MPP4: variants seen among roughly 807,000 people sequenced by gnomAD.
MPP4 encodes the protein MAGUK p55 subfamily member 4.
MPP4 carries 91 observed loss-of-function variants against 98.3 expected under a neutral mutation model. The ratio of observed to expected loss-of-function variants is 0.93; its 90% CI spans 0.78 to 1.10. The LOEUF is 1.10. Among genes scored for constraint, MPP4 ranks in the 50% least tolerant of loss-of-function variants. The probability of loss-of-function intolerance (pLI) is 0.00; values close to 1 mark genes in which losing one functional copy is unlikely to be tolerated. For synonymous variants in MPP4, 261 were observed against 271.8 expected (o/e 0.96, Z 0.39); for missense variants, 744 against 792.9 (o/e 0.94, Z 0.74).
At chr2:201,671,194 C>T (rs772464348) in intron 11 of MPP4, among the ~76,000 whole-genome samples, 4 of 151,970 alleles carry the variant, frequency 2.6e-5, no homozygotes, top group Non-Finnish European at 5.9e-5. Flanking sequence ...ACCCCAGTGG[C>T]GCCTGGAATA....
In MPP4 at chr2:201,651,763, A is replaced by G. The variant is rs1293636477; in HGVS notation, c.1382-1598T>C. ...GGGGTCAGGAGTACAAGACCAGCCT[A>G]GCCAACATGGTGAAACCCCATCTCT... On this transcript the variant is annotated intron_variant, in intron 18 of 21. Coordinates refer to ENST00000409474, the MANE Select transcript of MPP4 (RefSeq NM_033066.3). 45 of 520,076 alleles carry G rather than the reference A, an allele frequency of 8.7e-5. No individual in the cohort carries two copies. In the Middle Eastern group the frequency reaches 3.9e-3, roughly 45 times the overall value. 32.2% of individuals were successfully genotyped at this position (520,076 alleles called of 1,614,324 possible).
rs999160358 is a variant in MPP4 at position 201,651,130 on chromosome 2, G to T, written c.1382-965C>A. The T allele has an allele frequency of 3.0e-6, 3 of 985,192 alleles. No homozygotes were observed. The African/African-American group carries it at 5.2e-5, about 17-fold the overall frequency. 61.0% of individuals were successfully genotyped at this position (985,192 alleles called of 1,614,324 possible). A position where few individuals can be genotyped will look rare whatever the true frequency, so the allele number is the denominator to read the frequency against. The stretch of plus-strand genomic sequence containing the variant: ...AGTTCCCCTTATTCATACAGAATTT[G>T]TGTATTTGCATCTGACAAAGTTTAA... On this transcript the variant is annotated intron_variant, in intron 18 of 21. Coordinates refer to ENST00000409474, the MANE Select transcript of MPP4 (RefSeq NM_033066.3).
chr2:201,645,710 G>C (rs959278325), intron 21 of MPP4, among the ~76,000 whole-genome samples: 2 of 151,860 alleles, frequency 1.3e-5, no homozygotes, highest in East Asian at 3.9e-4. Flanking sequence ...GCATGCAGTA[G>C]GATCATCTCA....
intron 14 of MPP4, among the ~76,000 whole-genome samples, chr2:201,663,527 G>A (rs1265322587): frequency 6.6e-6 from 1 of 152,178 alleles, no homozygotes. Flanking sequence ...ACAAGCCTGA[G>A]CAACACAGTG....
rs1031028852 is a variant in MPP4 at position 201,680,733 on chromosome 2, T to A, written c.929+105A>T. 11 of 1,005,824 alleles carry A rather than the reference T, an allele frequency of 1.1e-5. No individual in the cohort carries two copies. The African/African-American group carries it at 1.8e-4, about 16-fold the overall frequency. The allele number at this position is 1,005,824 out of a possible 1,614,324, so 62.3% of individuals were successfully genotyped here. The stretch of plus-strand genomic sequence containing the variant: ...AAACCAGTGTGTGTGTGTTCATTCA[T>A]CTGCTTGTCCCTCTTTATCTCATCT... On this transcript the variant is annotated intron_variant, in intron 10 of 21. Coordinates refer to ENST00000409474, the MANE Select transcript of MPP4 (RefSeq NM_033066.3).
At chr2:201,653,760 GAAACA>G (rs1395050681) in intron 18 of MPP4, among the ~76,000 whole-genome samples, 1 of 151,950 alleles carries the variant, frequency 6.6e-6, no homozygotes, top group Non-Finnish European at 1.5e-5. Context: ...ATCTCAGTAT[GAAACA>G]AATAATTCCT....
At chr2:201,647,543 T>G in intron 21 of MPP4, 148 bp downstream of exon 21, 1 of 689,860 alleles carries the variant, frequency 1.4e-6, no homozygotes, top group Non-Finnish European at 2.3e-6. Flanking sequence ...AAAACCATAG[T>G]AAACCATTTT....
intron 1 of MPP4, among the ~76,000 whole-genome samples, chr2:201,695,860 C>A (rs1021837526): frequency 6.6e-6 from 1 of 152,026 alleles, no homozygotes; most frequent in Non-Finnish European, 1.5e-5. Flanking sequence ...AAGGGGTATG[C>A]GGTGGGGGTA....
rs377539870 is a variant in MPP4 at position 201,647,668 on chromosome 2, A to G, written c.1719+23T>C. 242 of 1,610,876 alleles carry G rather than the reference A, an allele frequency of 1.5e-4. No homozygotes were observed. In the South Asian group the frequency reaches 2.5e-3, roughly 17 times the overall value. On this transcript the variant is annotated intron_variant, in intron 21 of 21. Coordinates refer to ENST00000409474, the MANE Select transcript of MPP4 (RefSeq NM_033066.3). ...ACGCAGAAGCCACTGAAAGCAATAC[A>G]GTAGTTTTTGACTTGCTCTTACCTT...
intron 1 of MPP4, among the ~76,000 whole-genome samples, chr2:201,696,850 A>C (rs955114484): frequency 1.3e-5 from 2 of 152,224 alleles, no homozygotes; most frequent in Admixed American, 6.5e-5. Context: ...CAAAAACAAT[A>C]ATTACAGTAA....
intron 3 of MPP4, among the ~76,000 whole-genome samples, chr2:201,691,032 T>C (rs17469010): frequency 0.027 from 4,125 of 152,266 alleles, 88 homozygotes; most frequent in Middle Eastern, 0.058. Flanking sequence ...CTATCCAGAT[T>C]AGTGATGATG....
chr2:201,669,745 A>G lies in MPP4; in HGVS notation c.1000T>C (p.Ser334Pro). 6.9e-7 allele frequency: 1 copy of G among 1,447,820 alleles called. No homozygotes were observed. The highest frequency in any genetic ancestry group is 9.2e-7 in the Non-Finnish European group (1 of 1,086,688). The allele number at this position is 1,447,820 out of a possible 1,614,324, so 89.7% of individuals were successfully genotyped here. A position where few individuals can be genotyped will look rare whatever the true frequency, so the allele number is the denominator to read the frequency against. The change falls in exon 12 of 22, where the codon TCT (serine) becomes CCT (proline). Residue 334 changes from serine (S) to proline (P), a missense_variant. Coordinates refer to ENST00000409474, the MANE Select transcript of MPP4 (RefSeq NM_033066.3). ...TACTATTTCTTACCTTCTTCCATAGAAATTGCTGAGTACAAGCAAATGATT... is the reference window on the plus strand; with the variant it reads ...TACTATTTCTTACCTTCTTCCATAGGAATTGCTGAGTACAAGCAAATGATT... Reference protein sequence around the residue: ...HTCLKSTLSISMEEEDDMKID... With the variant: ...HTCLKSTLSIPMEEEDDMKID...
At chr2:201,694,193 T>A in intron 1 of MPP4, 139 bp from the exon 2 acceptor site, 1 of 773,044 alleles carries the variant, frequency 1.3e-6, no homozygotes, top group Non-Finnish European at 1.9e-6. Flanking sequence ...AGAAAACGAC[T>A]ATTGCATAAA....
At chr2:201,666,433 A>C (rs528315646) in intron 12 of MPP4, 61 bp from the exon 13 acceptor site, 364 of 1,378,990 alleles carry the variant, frequency 2.6e-4, no homozygotes, top group Non-Finnish European at 3.4e-4. Context: ...TAAAAAGAAA[A>C]TTCCCGGCCA....
chr2:201,693,062 A>T, intron 2 of MPP4, 33 bp from the exon 3 acceptor site: 1 of 1,600,278 alleles, frequency 6.2e-7, no homozygotes. Context: ...ATGGGGTGGC[A>T]GGTGCGGGTG....
At chr2:201,697,957 A>G (rs1486525845) in intron 1 of MPP4, 2 of 985,286 alleles carry the variant, frequency 2.0e-6, no homozygotes, top group East Asian at 2.3e-4. Context: ...TTCTGTACCA[A>G]ATTTGTCAGT....
chr2:201,671,996 G>A (rs1017534154), intron 11 of MPP4, among the ~76,000 whole-genome samples: 13 of 152,106 alleles, frequency 8.5e-5, no homozygotes, highest in African/African-American at 2.2e-4. Flanking sequence ...ACCACCAACC[G>A]GAAGTAAAAC....
At chr2:201,660,629 G>C (rs1330455751) in intron 14 of MPP4, among the ~76,000 whole-genome samples, 1 of 152,104 alleles carries the variant, frequency 6.6e-6, no homozygotes. Context: ...CTACTTGGTT[G>C]GCACAAAATA....
At chr2:201,688,077 C>A (rs559788084) in intron 4 of MPP4, among the ~76,000 whole-genome samples, 13 of 152,320 alleles carry the variant, frequency 8.5e-5, no homozygotes, top group East Asian at 3.9e-4. Context: ...TATATATGTG[C>A]TTTTCCTGTG....
Sources: gnomAD v4.1 joint callset for allele counts (sites outside exome capture counted in the v4.1 genomes callset) on GRCh38, gnomAD v4.1.1 for gene constraint, MANE v1.5 for transcripts, NCBI Gene and HGNC (gene_info 2026-07-23, HGNC 2026-07-21) for gene names.